The following DOCK1 variants were observed in gnomAD, a reference collection of about 807,000 sequenced individuals.
DOCK1 encodes dedicator of cytokinesis protein 1.
In DOCK1, 138 loss-of-function variants were observed where a neutral mutation model predicts 262.7. The ratio of observed to expected loss-of-function variants is 0.53; its 90% CI spans 0.46 to 0.61. The LOEUF is 0.61. DOCK1 is among the 20% of genes least tolerant of loss of function. The probability of loss-of-function intolerance (pLI) is 0.00; values close to 1 mark genes in which losing one functional copy is unlikely to be tolerated. For missense variants in DOCK1, 1,908 were observed against 2,370.7 expected (o/e 0.80, Z 4.05); for synonymous variants, 866 against 867.4 (o/e 1.00, Z 0.03).
chr10:127,193,736 T>A (rs1012096346), intron 27 of DOCK1, among the ~76,000 whole-genome samples: 2 of 152,200 alleles, frequency 1.3e-5, no homozygotes, highest in African/African-American at 4.8e-5. Context: ...TTCTCTTATT[T>A]ATTGATTTAT....
intron 29 of DOCK1, among the ~76,000 whole-genome samples, chr10:127,266,967 A>G (rs2060384216): frequency 6.6e-6 from 1 of 152,158 alleles, no homozygotes; most frequent in African/African-American, 2.4e-5. Flanking sequence ...TCACCCAGAG[A>G]AACACATGAG....
intron 2 of DOCK1, among the ~76,000 whole-genome samples, chr10:126,973,185 C>A (rs2038243282): frequency 1.3e-5 from 2 of 151,462 alleles, no homozygotes; most frequent in African/African-American, 2.4e-5. Context: ...CCTGTGGAGA[C>A]TGCATTTTTG....
chr10:127,221,345 C>T (rs1185725461), intron 27 of DOCK1, among the ~76,000 whole-genome samples: 1 of 152,160 alleles, frequency 6.6e-6, no homozygotes, highest in African/African-American at 2.4e-5. Context: ...GAAGAGTACA[C>T]AGTGCATGGT....
intron 27 of DOCK1, among the ~76,000 whole-genome samples, chr10:127,166,883 C>G (rs567868230): frequency 1.3e-5 from 2 of 152,038 alleles, no homozygotes; most frequent in South Asian, 2.1e-4. Flanking sequence ...TCTGGATTGC[C>G]TAGTGGCTCG....
rs77891798 is a variant in DOCK1, at chr10:127,282,649, G to A, written c.3044+25220G>A. 3.2e-3 allele frequency among the ~76,000 whole-genome samples: 495 copies of A among 152,326 alleles called. 1 individual carries two copies. The highest frequency in any genetic ancestry group is 0.01 in the African/African-American group (427 of 41,580). Reference sequence around the variant, plus strand: ...AACCACAGCACACACCCGCCTCTCCGTTTAACTCACACTAGTCCAGGTGCT... The same window carrying A: ...AACCACAGCACACACCCGCCTCTCCATTTAACTCACACTAGTCCAGGTGCT... On this transcript the variant is annotated intron_variant, in intron 29 of 51. Coordinates refer to ENST00000623213, the MANE Select transcript of DOCK1 (RefSeq NM_001290223.2).
intron 27 of DOCK1, among the ~76,000 whole-genome samples, chr10:127,172,580 C>G (rs1314552508): frequency 6.6e-6 from 1 of 152,034 alleles, no homozygotes; most frequent in East Asian, 1.9e-4. Context: ...AAGAGGGGGC[C>G]CCATAAGGTG....
At chr10:127,077,879 G>A (rs1235126627) in intron 23 of DOCK1, among the ~76,000 whole-genome samples, 1 of 152,092 alleles carries the variant, frequency 6.6e-6, no homozygotes, top group Non-Finnish European at 1.5e-5. Flanking sequence ...TGTGAGTTGA[G>A]ATGGGGGAGC....
Position 126,963,648 on chromosome 10 carries a change from TTCCTTCCTTCCTTCCTTCCTTCCTCCC to T in DOCK1, c.47-7050_47-7024del, listed in dbSNP as rs2037443685. Among the ~76,000 whole-genome samples, 38 of 63,422 alleles carry T rather than the reference TTCCTTCCTTCCTTCCTTCCTTCCTCCC, an allele frequency of 6.0e-4. 1 individual carries two copies. The highest frequency in any genetic ancestry group is 8.0e-4 in the Non-Finnish European group (24 of 30,026). The allele number at this position is 63,422 out of a possible 152,430, so 41.6% of individuals were successfully genotyped here. A position where few individuals can be genotyped will look rare whatever the true frequency, so the allele number is the denominator to read the frequency against. On this transcript the variant is annotated intron_variant, in intron 1 of 51. Coordinates refer to ENST00000623213, the MANE Select transcript of DOCK1 (RefSeq NM_001290223.2). ...CCCTTCCCTTCCCTTCCCTCCTTCC[TTCCTTCCTTCCTTCCTTCCTTCCTCCC>T]TCCCTTCCTCCCTTCCTTCCTTCCA...
At chr10:127,133,625 CAGA>C (rs1355679392) in intron 27 of DOCK1, among the ~76,000 whole-genome samples, 1 of 152,174 alleles carries the variant, frequency 6.6e-6, no homozygotes, top group Admixed American at 6.5e-5. Flanking sequence ...GGGTTTACTG[CAGA>C]AGAAGTAAAA....
chr10:127,318,400 G>C (rs1354904677), intron 29 of DOCK1, among the ~76,000 whole-genome samples: 1 of 152,216 alleles, frequency 6.6e-6, no homozygotes, highest in Non-Finnish European at 1.5e-5. Context: ...CTAAGAGTGT[G>C]TGAGGAGACG....
intron 29 of DOCK1, among the ~76,000 whole-genome samples, chr10:127,259,559 G>C (rs994765940): frequency 6.6e-6 from 1 of 152,150 alleles, no homozygotes; most frequent in Non-Finnish European, 1.5e-5. Context: ...GAGGCGGCCC[G>C]TGTGGATGCT....
chr10:126,990,370 G>A (rs1343614831), intron 5 of DOCK1, 85 bp from the exon 6 acceptor site: 11 of 1,387,284 alleles, frequency 7.9e-6, no homozygotes, highest in South Asian at 4.4e-5. Context: ...TACCTCATGC[G>A]TATTTGAAGA....
intron 3 of DOCK1, among the ~76,000 whole-genome samples, chr10:126,978,294 G>C (rs369910890): frequency 6.0e-4 from 92 of 152,248 alleles, no homozygotes; most frequent in African/African-American, 2.1e-3. Flanking sequence ...AATGATCCGA[G>C]TAAAGCGACT....
chr10:127,431,500 T>G (rs2069286919), intron 47 of DOCK1, among the ~76,000 whole-genome samples: 1 of 152,214 alleles, frequency 6.6e-6, no homozygotes, highest in East Asian at 1.9e-4. Flanking sequence ...CAGTTGGGGA[T>G]AATCCCCAAG....
chr10:127,261,767 G>C lies in DOCK1; in HGVS notation c.3044+4338G>C, dbSNP rs147953915. 9.5e-3 allele frequency among the ~76,000 whole-genome samples: 1,337 copies of C among 140,632 alleles called. 7 individuals are homozygous for C. The highest frequency in any genetic ancestry group is 0.015 in the Non-Finnish European group (994 of 65,248). The allele number at this position is 140,632 out of a possible 152,430, so 92.3% of individuals were successfully genotyped here. A position where few individuals can be genotyped will look rare whatever the true frequency, so the allele number is the denominator to read the frequency against. ...CGTGCTCATCTGTGTGTGTGCATGT[G>C]GGTGTGTGTGTGTGTACCTGCATGT... On this transcript the variant is annotated intron_variant, in intron 29 of 51. Coordinates refer to ENST00000623213, the MANE Select transcript of DOCK1 (RefSeq NM_001290223.2).
At chr10:127,178,300 A>G (rs989104882) in intron 27 of DOCK1, among the ~76,000 whole-genome samples, 2 of 152,228 alleles carry the variant, frequency 1.3e-5, no homozygotes, top group African/African-American at 4.8e-5. Flanking sequence ...AACAACAAAA[A>G]ACAATCTCTG....
At chr10:127,256,398 T>A (rs1590147956) in intron 28 of DOCK1, among the ~76,000 whole-genome samples, 1 of 152,210 alleles carries the variant, frequency 6.6e-6, no homozygotes, top group Non-Finnish European at 1.5e-5. Flanking sequence ...ATTAAATAAA[T>A]GAGAAATATC....
At chr10:127,364,554 C>T (rs1427493056) in intron 33 of DOCK1, among the ~76,000 whole-genome samples, 5 of 152,036 alleles carry the variant, frequency 3.3e-5, no homozygotes, top group African/African-American at 1.2e-4. Flanking sequence ...TTAGTAGAGA[C>T]GGTGTTTCAC....
At chr10:127,265,014 T>C (rs185920109) in intron 29 of DOCK1, among the ~76,000 whole-genome samples, 15 of 152,284 alleles carry the variant, frequency 9.9e-5, no homozygotes, top group East Asian at 9.6e-4. Flanking sequence ...GAGAAGATCA[T>C]AGGGAAGGAA....
Sources: gnomAD v4.1 joint callset for allele counts (sites outside exome capture counted in the v4.1 genomes callset) on GRCh38, gnomAD v4.1.1 for gene constraint, MANE v1.5 for transcripts, NCBI Gene and HGNC (gene_info 2026-07-23, HGNC 2026-07-21) for gene names.